ESPN: variants seen among roughly 807,000 people sequenced by gnomAD.
The protein encoded by ESPN is autosomal recessive deafness type 36 protein.
Under a neutral mutation model 77.7 loss-of-function variants are expected in ESPN, and 68 were observed. The observed-to-expected ratio is 0.87, with a 90% confidence interval of 0.72 to 1.07. The LOEUF (loss-of-function observed/expected upper bound fraction) is 1.07, where lower values mean the gene tolerates loss of function less well. ESPN is among the 50% of genes least tolerant of loss of function. ESPN has a pLI of 0.00. For synonymous variants in ESPN, 449 were observed against 567.1 expected (o/e 0.79, Z 2.96); for missense variants, 1,060 against 1,239.0 (o/e 0.86, Z 2.17).
In ESPN at chr1:6,437,895, CA is replaced by C; in HGVS notation, c.489-2358del. The stretch of plus-strand genomic sequence containing the variant: ...AGAGGGAGGGAGAGGGCACACGTGA[CA>C]GGGGTCAGAAGAGGGGCTAAGTCGT... On this transcript the variant is annotated intron_variant, in intron 2 of 12. Coordinates refer to ENST00000645284, the MANE Select transcript of ESPN (RefSeq NM_031475.3). The surrounding 1 kb of genome is among the most constrained non-coding windows in gnomAD (Gnocchi z 4.5). 6.9e-6 allele frequency: 1 copy of C among 145,640 alleles called. No homozygotes were observed. Among genetic ancestry groups the C allele is most frequent in the Middle Eastern group, 3.3e-3 (1 of 300 alleles). The allele number at this position is 145,640 out of a possible 1,614,324, so 9.0% of individuals were successfully genotyped here. A position where few individuals can be genotyped will look rare whatever the true frequency, so the allele number is the denominator to read the frequency against.
At position 6,451,691 on chromosome 1, in the gene ESPN, G is replaced by A. The variant is rs367594266; in HGVS notation, c.2004G>A (p.Thr668=). 2.9e-5 allele frequency: 47 copies of A among 1,613,006 alleles called. No individual in the cohort carries two copies. The highest frequency in any genetic ancestry group is 3.6e-5 in the Non-Finnish European group (42 of 1,179,924). ...EIKAGKSLKP[T]PQSKGLTTVF... is the part of the protein sequence containing the mutation. ...AGGCAGGCAAGAGCCTGAAGCCGAC[G>A]CCCCAGAGCAAGGGGCTGACCACAG... is the stretch of plus-strand genomic sequence containing the variant. Residue 668 remains threonine (T), a synonymous_variant, in exon 9 of 13, where the codon ACG becomes ACA. Coordinates refer to ENST00000645284, the MANE Select transcript of ESPN (RefSeq NM_031475.3). This position sits in a 1 kb window ranked among gnomAD's most constrained non-coding sequence, Gnocchi z 4.3.
Position 6,428,536 on chromosome 1 carries a change from C to T in ESPN, c.488+117C>T. The T allele has an allele frequency of 1.1e-6, 1 of 916,450 alleles. No individual in the cohort carries two copies. Among genetic ancestry groups the T allele is most frequent in the Middle Eastern group, 3.4e-4 (1 of 2,932 alleles). The allele number at this position is 916,450 out of a possible 1,614,324, so 56.8% of individuals were successfully genotyped here. On this transcript the variant is annotated intron_variant, in intron 2 of 12. Coordinates refer to ENST00000645284, the MANE Select transcript of ESPN (RefSeq NM_031475.3). The surrounding 1 kb of genome is among the most constrained non-coding windows in gnomAD (Gnocchi z 5.4). Reference sequence around the variant, plus strand: ...GGGCAATGATCCCTCCAGTGGCCATCCTGGGGCCAGAGGGCCAGGCCAGAG... The same window carrying T: ...GGGCAATGATCCCTCCAGTGGCCATTCTGGGGCCAGAGGGCCAGGCCAGAG...
At chr1:6,458,941 A>T (rs1447149852) in intron 12 of ESPN, among the ~76,000 whole-genome samples, 2 of 142,724 alleles carry the variant, frequency 1.4e-5, no homozygotes, top group Admixed American at 7.1e-5. Flanking sequence ...TCAAAAAAAA[A>T]AAAAAATTAG....
intron 12 of ESPN, 26 bp downstream of exon 12, chr1:6,457,398 G>A (rs748987968): frequency 4.3e-6 from 7 of 1,614,188 alleles, no homozygotes; most frequent in Non-Finnish European, 5.9e-6. Flanking sequence ...GCCCCAACCT[G>A]CCACCCTTAT....
At chr1:6,440,597 G>A (rs924018844) in intron 3 of ESPN, 29 bp from the exon 4 acceptor site, 7 of 704,596 alleles carry the variant, frequency 9.9e-6, no homozygotes, top group South Asian at 1.6e-5. Flanking sequence ...CCCAGCCCCC[G>A]CCCCCCTCTC....
At chr1:6,432,463 G>A (rs1450794885) in intron 2 of ESPN, among the ~76,000 whole-genome samples, 3 of 152,234 alleles carry the variant, frequency 2.0e-5, no homozygotes, top group African/African-American at 4.8e-5. Flanking sequence ...CTCTGGGAAA[G>A]GAAGGGCCTG....
Position 6,448,940 on chromosome 1 carries a change from C to T in ESPN, c.1764C>T (p.Asp588=), listed in dbSNP as rs1257991833. 2.1e-6 allele frequency: 3 copies of T among 1,406,798 alleles called. No homozygotes were observed. Among genetic ancestry groups the T allele is most frequent in the Middle Eastern group, 2.5e-4 (1 of 3,924 alleles). The allele number at this position is 1,406,798 out of a possible 1,614,324, so 87.1% of individuals were successfully genotyped here. The change falls in exon 8 of 13, where the codon GAC becomes GAT. Residue 588 remains aspartate, a synonymous_variant. Transcript: ENST00000645284. ...GNHVPNGCAA[D]PKASRELPPP... is the part of the protein sequence containing the mutation. The stretch of plus-strand genomic sequence containing the variant: ...ATGTTCCTAACGGCTGCGCCGCGGA[C>T]CCCAAGGCGTCCAGGGAGCTGCCAC...
chr1:6,446,748 G>A (rs1393582321), intron 7 of ESPN, among the ~76,000 whole-genome samples: 3 of 152,192 alleles, frequency 2.0e-5, no homozygotes, highest in Non-Finnish European at 4.4e-5. Flanking sequence ...ACAGCCTGAG[G>A]TCACAGGTGG....
chr1:6,445,524 G>A lies in ESPN; in HGVS notation c.1193-140G>A, dbSNP rs1052001530. The A allele has an allele frequency of 6.5e-6, 6 of 923,728 alleles. No homozygotes were observed. In the African/African-American group the frequency reaches 6.6e-5, roughly 10 times the overall value. The allele number at this position is 923,728 out of a possible 1,614,324, so 57.2% of individuals were successfully genotyped here. A position where few individuals can be genotyped will look rare whatever the true frequency, so the allele number is the denominator to read the frequency against. On this transcript the variant is annotated intron_variant, in intron 6 of 12. Transcript: ENST00000645284. The stretch of plus-strand genomic sequence containing the variant: ...GGAGGGGAAGCCCAGCACCGCCAGG[G>A]GCCACAGCAGGTGTACCAAGTGGTG...
intron 5 of ESPN, 46 bp from the exon 6 acceptor site, chr1:6,444,435 A>T: frequency 6.3e-7 from 1 of 1,599,876 alleles, no homozygotes; most frequent in Admixed American, 1.7e-5. Context: ...AGAGCAACGC[A>T]TCTTGGGGTA....
chr1:6,454,406 C>T (rs896458791), intron 10 of ESPN: 17 of 398,772 alleles, frequency 4.3e-5, no homozygotes, highest in African/African-American at 3.5e-4. Flanking sequence ...ACGCGCCTCC[C>T]TCCCCTCTCT....
chr1:6,443,546 G>T (rs1252008551), intron 5 of ESPN, among the ~76,000 whole-genome samples: 1 of 152,212 alleles, frequency 6.6e-6, no homozygotes, highest in African/African-American at 2.4e-5. Flanking sequence ...GCAGGGCCTG[G>T]TCCCCTGGAA....
rs1644022600 is a variant in ESPN at position 6,454,940 on chromosome 1, G to A, written c.2326-2244G>A. 8 of 384,494 alleles carry A rather than the reference G, an allele frequency of 2.1e-5. No individual in the cohort carries two copies. In the East Asian group the frequency reaches 3.0e-4, roughly 14 times the overall value. 23.8% of individuals were successfully genotyped at this position (384,494 alleles called of 1,614,324 possible). ...AGGCTGTGGCGCGCGAGATCCTCGA[G>A]TGCGGCGTCTCCGTGCAGCATCTCC... On this transcript the variant is annotated intron_variant, in intron 10 of 12. Transcript: ENST00000645284.
At chr1:6,455,043 G>T (rs1262221120) in intron 10 of ESPN, 2 of 379,810 alleles carry the variant, frequency 5.3e-6, no homozygotes, top group Non-Finnish European at 9.3e-6. Context: ...GTCCGCTGGC[G>T]CCCCGGGCCG....
Position 6,456,963 on chromosome 1 carries a change from T to G in ESPN, c.2326-221T>G, listed in dbSNP as rs2986734. Among the ~76,000 whole-genome samples the G allele has an allele frequency of 0.028, 4,336 of 152,354 alleles. 188 individuals carry two copies. The highest frequency in any genetic ancestry group is 0.098 in the African/African-American group (4,095 of 41,578). ...TCTCTGCTTCTGTCCCATTCAGCTC[T>G]GATCTCTCTGGTGCCTCCTGTAGGA... On this transcript the variant is annotated intron_variant, in intron 10 of 12. Coordinates refer to ENST00000645284, the MANE Select transcript of ESPN (RefSeq NM_031475.3).
At chr1:6,449,546 T>C (rs1475153189) in intron 8 of ESPN, among the ~76,000 whole-genome samples, 8 of 152,156 alleles carry the variant, frequency 5.3e-5, no homozygotes, top group Non-Finnish European at 8.8e-5. Context: ...CCGTCTATCC[T>C]GAGCCTCTCT....
intron 10 of ESPN, chr1:6,455,520 C>T (rs1046743212): frequency 3.3e-5 from 13 of 398,054 alleles, no homozygotes; most frequent in African/African-American, 1.9e-4. Context: ...GGGCCACTGG[C>T]GGAGCCTGCT....
chr1:6,457,416 C>T (rs749369721), intron 12 of ESPN, 44 bp downstream of exon 12: 2 of 1,614,068 alleles, frequency 1.2e-6, no homozygotes, highest in East Asian at 4.5e-5. Context: ...TATCCCCACC[C>T]AAGTCGCAGA....
At position 6,460,079 on chromosome 1, in the gene ESPN, A is replaced by G; in HGVS notation, c.2498A>G (p.Asp833Gly). 2.5e-6 allele frequency: 4 copies of G among 1,613,504 alleles called. No individual in the cohort carries two copies. Among genetic ancestry groups the G allele is most frequent in the Non-Finnish European group, 3.4e-6 (4 of 1,180,028 alleles). The change falls in exon 13 of 13, where the codon GAT (aspartate) becomes GGT (glycine). Residue 833 changes from aspartate to glycine, a missense_variant. Transcript: ENST00000645284. The part of the protein sequence containing the change: ...QSEKLRTLGY[D>G]ESKLAPWQRQ... ...GAGAAGCTGCGGACGCTGGGCTACGATGAGAGCAAGCTGGCGCCCTGGCAG... is the reference window on the plus strand; with the variant it reads ...GAGAAGCTGCGGACGCTGGGCTACGGTGAGAGCAAGCTGGCGCCCTGGCAG...
Sources: gnomAD v4.1 joint callset for allele counts (sites outside exome capture counted in the v4.1 genomes callset) on GRCh38, gnomAD v4.1.1 for gene constraint, Gnocchi (gnomAD v3.1) non-coding constraint, MANE v1.5 for transcripts, NCBI Gene and HGNC (gene_info 2026-07-23, HGNC 2026-07-21) for gene names.